The following PKNOX2 variants were observed in gnomAD, a reference collection of about 807,000 sequenced individuals.
The protein encoded by PKNOX2 is PBX/knotted 1 homeobox 2.
A neutral mutation model predicts 53.1 loss-of-function variants in PKNOX2; 14 were observed. The ratio of observed to expected loss-of-function variants is 0.26; its 90% CI spans 0.17 to 0.41. The LOEUF is 0.41. Among genes scored for constraint, PKNOX2 ranks in the 10% least tolerant of loss-of-function variants. PKNOX2 has a pLI of 1.00. For missense variants in PKNOX2, 496 were observed against 602.8 expected (o/e 0.82, Z 1.85); for synonymous variants, 257 against 242.8 (o/e 1.06, Z -0.54).
intron 2 of PKNOX2, among the ~76,000 whole-genome samples, chr11:125,328,782 G>A (rs1949984999): frequency 6.6e-6 from 1 of 152,222 alleles, no homozygotes; most frequent in Non-Finnish European, 1.5e-5. Context: ...GGAGTCAGAA[G>A]ACACGCCACT....
At chr11:125,427,453 C>T (rs1018405805) in intron 10 of PKNOX2, among the ~76,000 whole-genome samples, 24 of 152,276 alleles carry the variant, frequency 1.6e-4, no homozygotes, top group Non-Finnish European at 3.4e-4. Context: ...ACCGATAATG[C>T]GAGTACCACC....
At chr11:125,172,745 C>T (rs557941963) in intron 1 of PKNOX2, among the ~76,000 whole-genome samples, 41 of 152,262 alleles carry the variant, frequency 2.7e-4, no homozygotes, top group African/African-American at 8.4e-4. Context: ...TTAAAACCAC[C>T]GCCACCGCCA....
chr11:125,195,921 A>G (rs1591477220), intron 1 of PKNOX2, among the ~76,000 whole-genome samples: 1 of 143,170 alleles, frequency 7.0e-6, no homozygotes, highest in East Asian at 2.1e-4. Context: ...ACACACACAC[A>G]CAATTCATTG....
chr11:125,329,685 A>T (rs1950026617), intron 2 of PKNOX2, among the ~76,000 whole-genome samples: 1 of 152,234 alleles, frequency 6.6e-6, no homozygotes, highest in African/African-American at 2.4e-5. Flanking sequence ...TGTTTGCATG[A>T]ACACTGAGGA....
intron 11 of PKNOX2, 121 bp from the exon 12 acceptor site, chr11:125,429,842 C>T (rs3740894): frequency 0.12 from 145,142 of 1,186,222 alleles, 9,639 homozygotes; most frequent in East Asian, 0.27. Flanking sequence ...CTTTTACATC[C>T]GGGATGGGAA....
intron 10 of PKNOX2, among the ~76,000 whole-genome samples, chr11:125,413,443 T>C (rs774528457): frequency 2.2e-4 from 33 of 152,262 alleles, no homozygotes; most frequent in Non-Finnish European, 4.0e-4. Flanking sequence ...ATGCCACAGC[T>C]CCCAGCCTAC....
At chr11:125,293,289 A>G (rs1947428851) in intron 2 of PKNOX2, among the ~76,000 whole-genome samples, 1 of 152,128 alleles carries the variant, frequency 6.6e-6, no homozygotes. Flanking sequence ...CACAGAACAA[A>G]TTGTAATTTT....
intron 1 of PKNOX2, among the ~76,000 whole-genome samples, chr11:125,227,431 G>A (rs1941800653): frequency 6.6e-6 from 1 of 152,144 alleles, no homozygotes; most frequent in African/African-American, 2.4e-5. Flanking sequence ...CTATCTCTGT[G>A]AGTTTGACAC....
At chr11:125,200,269 G>T (rs140715206) in intron 1 of PKNOX2, among the ~76,000 whole-genome samples, 1 of 152,320 alleles carries the variant, frequency 6.6e-6, no homozygotes, top group East Asian at 1.9e-4. Context: ...TCCCTCCCAA[G>T]GGTTAGAGGC....
chr11:125,291,612 C>A (rs539203361), intron 2 of PKNOX2, among the ~76,000 whole-genome samples: 1 of 152,132 alleles, frequency 6.6e-6, no homozygotes, highest in Non-Finnish European at 1.5e-5. Context: ...ATTTGTACAC[C>A]CATATTCATA....
chr11:125,395,631 A>G (rs1954333224), intron 6 of PKNOX2, among the ~76,000 whole-genome samples: 1 of 152,154 alleles, frequency 6.6e-6, no homozygotes, highest in Non-Finnish European at 1.5e-5. Context: ...ATAGGTGTGT[A>G]GTGATATCTC....
At chr11:125,272,699 A>G (rs1299020839) in intron 2 of PKNOX2, among the ~76,000 whole-genome samples, 1 of 152,124 alleles carries the variant, frequency 6.6e-6, no homozygotes, top group African/African-American at 2.4e-5. Flanking sequence ...CACTTCCTCC[A>G]AGAGGAACAG....
At chr11:125,202,813 TA>T (rs1938604772) in intron 1 of PKNOX2, among the ~76,000 whole-genome samples, 1 of 152,234 alleles carries the variant, frequency 6.6e-6, no homozygotes, top group Non-Finnish European at 1.5e-5. Flanking sequence ...TTATATTATT[TA>T]AACAATTATT....
At chr11:125,219,527 C>G (rs1940909894) in intron 1 of PKNOX2, among the ~76,000 whole-genome samples, 1 of 151,870 alleles carries the variant, frequency 6.6e-6, no homozygotes, top group Non-Finnish European at 1.5e-5. Context: ...GCTACTCTCC[C>G]TAATATATGA....
At chr11:125,204,950 C>A (rs1226172354) in intron 1 of PKNOX2, among the ~76,000 whole-genome samples, 2 of 152,210 alleles carry the variant, frequency 1.3e-5, no homozygotes, top group Admixed American at 1.3e-4. Context: ...AGGATGAGCA[C>A]CATGTCTGAT....
intron 2 of PKNOX2, chr11:125,258,814 T>C (rs1228313026): frequency 1.9e-5 from 6 of 316,398 alleles, no homozygotes; most frequent in Non-Finnish European, 3.9e-5. Context: ...CAAGTCCTCT[T>C]TAACCCAAAC....
At chr11:125,194,128 C>G (rs1438751137) in intron 1 of PKNOX2, among the ~76,000 whole-genome samples, 2 of 152,216 alleles carry the variant, frequency 1.3e-5, no homozygotes, top group Non-Finnish European at 2.9e-5. Context: ...TGTGCGAGCC[C>G]TTCCTCCCTG....
chr11:125,211,804 T>C (rs1276000324), intron 1 of PKNOX2, among the ~76,000 whole-genome samples: 1 of 152,054 alleles, frequency 6.6e-6, no homozygotes, highest in East Asian at 1.9e-4. Context: ...TGATCTGAGC[T>C]TTGGGAATGG....
intron 2 of PKNOX2, among the ~76,000 whole-genome samples, chr11:125,301,046 T>G (rs1450795060): frequency 6.6e-6 from 1 of 152,170 alleles, no homozygotes; most frequent in Non-Finnish European, 1.5e-5. Context: ...TGATAATAGA[T>G]GCTTATCTCA....
Sources: gnomAD v4.1 joint callset for allele counts (sites outside exome capture counted in the v4.1 genomes callset) on GRCh38, gnomAD v4.1.1 for gene constraint, MANE v1.5 for transcripts, NCBI Gene and HGNC (gene_info 2026-07-23, HGNC 2026-07-21) for gene names.